The following SETD7 variants were observed in gnomAD, a reference collection of about 807,000 sequenced individuals.
SETD7 encodes the protein SET domain containing 7, histone lysine methyltransferase, also known as histone-lysine N-methyltransferase SETD7.
A neutral mutation model predicts 41.8 loss-of-function variants in SETD7; 16 were observed. That is an observed-to-expected ratio of 0.38 (90% CI 0.26 to 0.58). SETD7 has a LOEUF of 0.58. Ranked by LOEUF, SETD7 falls within the 20% of genes least tolerant of loss-of-function variation. SETD7 has a pLI of 0.64. For synonymous variants in SETD7, 163 were observed against 169.7 expected (o/e 0.96, Z 0.31); for missense variants, 346 against 459.7 (o/e 0.75, Z 2.26).
intron 7 of SETD7, among the ~76,000 whole-genome samples, chr4:139,498,488 G>A (rs1028704704): frequency 2.0e-5 from 3 of 152,170 alleles, no homozygotes; most frequent in African/African-American, 4.8e-5. Context: ...TCTTGTCTAC[G>A]TTTTCTCTTT....
At chr4:139,517,043 C>T (rs181574566) in intron 7 of SETD7, among the ~76,000 whole-genome samples, 6 of 152,334 alleles carry the variant, frequency 3.9e-5, no homozygotes, top group Admixed American at 2.0e-4. Context: ...CAATTCTCAT[C>T]CATGTTGTAG....
chr4:139,520,468 T>A (rs1228487413), intron 5 of SETD7, 74 bp from the exon 6 acceptor site: 1 of 783,472 alleles, frequency 1.3e-6, no homozygotes, highest in Non-Finnish European at 2.0e-6. Context: ...TGCCAAAATA[T>A]CATTAAGGCT....
intron 7 of SETD7, among the ~76,000 whole-genome samples, chr4:139,500,110 T>G (rs1726538961): frequency 6.6e-6 from 1 of 152,202 alleles, no homozygotes; most frequent in South Asian, 2.1e-4. Flanking sequence ...TGCCTTTTGA[T>G]TTTGAGTTGA....
chr4:139,499,559 C>A (rs770577557), intron 7 of SETD7, among the ~76,000 whole-genome samples: 2 of 152,144 alleles, frequency 1.3e-5, no homozygotes, highest in Non-Finnish European at 2.9e-5. Flanking sequence ...CAAGACCCCC[C>A]CTCCCAGGAA....
chr4:139,550,506 C>T (rs1327124036), intron 1 of SETD7, among the ~76,000 whole-genome samples: 3 of 152,124 alleles, frequency 2.0e-5, no homozygotes, highest in South Asian at 4.2e-4. Context: ...ATTTAATATC[C>T]CGGATTAGTT....
chr4:139,530,356 C>CTTTTTT (rs70943427), intron 3 of SETD7, among the ~76,000 whole-genome samples: 2 of 126,936 alleles, frequency 1.6e-5, no homozygotes, highest in African/African-American at 2.9e-5. Flanking sequence ...CAAATGCTGC[C>CTTTTTT]TTTTTTTTTT....
intron 1 of SETD7, 76 bp from the exon 2 acceptor site, chr4:139,547,125 C>T: frequency 2.6e-6 from 4 of 1,549,936 alleles, no homozygotes; most frequent in South Asian, 1.2e-5. Flanking sequence ...CATTCAGATG[C>T]TGCCAGACAA....
At chr4:139,500,798 C>T (rs575093530) in intron 7 of SETD7, among the ~76,000 whole-genome samples, 1 of 152,304 alleles carries the variant, frequency 6.6e-6, no homozygotes, top group African/African-American at 2.4e-5. Flanking sequence ...CATAAGCCAC[C>T]GTGACTGGCT....
Position 139,546,928 on chromosome 4 carries a change from AAAG to A in SETD7, c.159_161del (p.Phe54del), listed in dbSNP as rs764099053. 5.0e-6 allele frequency: 8 copies of A among 1,614,220 alleles called. No individual in the cohort carries two copies. The highest frequency in any genetic ancestry group is 5.9e-6 in the Non-Finnish European group (7 of 1,180,034). On this transcript the variant is annotated inframe_deletion, in exon 2 of 8. Transcript: ENST00000274031. ...AAAACTGTGAGTGCTACCTGCCATC[AAAG>A]AAGAAGAACTTCCCCCGTCCGTTCT... is the stretch of plus-strand genomic sequence containing the variant.
chr4:139,516,707 TAC>T (rs575593113), intron 7 of SETD7, among the ~76,000 whole-genome samples: 18 of 152,284 alleles, frequency 1.2e-4, no homozygotes, highest in Admixed American at 9.2e-4. Context: ...ATAATTTATA[TAC>T]AGAGTATAAA....
Position 139,533,354 on chromosome 4 carries a change from C to A in SETD7, c.183G>T (p.Gly61=). 6.2e-7 allele frequency: 1 copy of A among 1,613,690 alleles called. No individual in the cohort carries two copies. The change falls in exon 3 of 8, where the codon GGG becomes GGT. Residue 61 remains glycine, a synonymous_variant. Transcript: ENST00000274031. ...CCTGCAAGGCATCATCCACATAATA[C>A]CCCTCCAGGGTGCTGTGAGGAAAGG... is the stretch of plus-strand genomic sequence containing the variant. ...FFFFDGSTLE[G]YYVDDALQGQ...
intron 7 of SETD7, among the ~76,000 whole-genome samples, chr4:139,512,081 C>T (rs897868602): frequency 8.5e-5 from 13 of 152,306 alleles, no homozygotes; most frequent in Admixed American, 3.3e-4. Flanking sequence ...CACCCCCAGG[C>T]GATCCACTGG....
rs756703558 is a variant in SETD7 at position 139,556,120 on chromosome 4, C to T, written c.18G>A (p.Glu6=). The T allele has an allele frequency of 6.2e-7, 1 of 1,603,766 alleles. No individual in the cohort carries two copies. Among genetic ancestry groups the T allele is most frequent in the South Asian group, 1.1e-5 (1 of 88,984 alleles). The change falls in exon 1 of 8, where the codon GAG becomes GAA. Residue 6 remains glutamate (E), a synonymous_variant. Coordinates refer to ENST00000274031, the MANE Select transcript of SETD7 (RefSeq NM_030648.4). Reference sequence around the variant, plus strand: ...TACCTTCCACCGCCTCCTCCACCATCTCGTCGTCGCTATCCATGGCGGCTG... The same window carrying T: ...TACCTTCCACCGCCTCCTCCACCATTTCGTCGTCGCTATCCATGGCGGCTG... MDSDD[E]MVEEAVEGHL...
intron 1 of SETD7, among the ~76,000 whole-genome samples, chr4:139,554,210 A>C (rs1365899250): frequency 6.6e-6 from 1 of 152,204 alleles, no homozygotes; most frequent in East Asian, 1.9e-4. Flanking sequence ...GTACATAATT[A>C]CCCTATAAAA....
In SETD7 at chr4:139,507,894, T is replaced by C. The variant is rs1165054603; in HGVS notation, c.*3769A>G. ...CAGTCTTGCAACATAGTTTTGCTTG[T>C]TTTTCTAAAACAAAAGATATCTGGA... On this transcript the variant is annotated 3_prime_UTR_variant, in exon 8 of 8. Transcript: ENST00000274031. 1 of 152,174 alleles carries C rather than the reference T, an allele frequency of 6.6e-6. No individual in the cohort carries two copies. The highest frequency in any genetic ancestry group is 1.5e-5 in the Non-Finnish European group (1 of 68,032). 9.4% of individuals were successfully genotyped at this position (152,174 alleles called of 1,614,324 possible). A position where few individuals can be genotyped will look rare whatever the true frequency, so the allele number is the denominator to read the frequency against.
At chr4:139,499,987 C>T (rs1395832932) in intron 7 of SETD7, among the ~76,000 whole-genome samples, 1 of 152,182 alleles carries the variant, frequency 6.6e-6, no homozygotes, top group African/African-American at 2.4e-5. Flanking sequence ...TTTCATACTT[C>T]ATTGAACCTA....
intron 4 of SETD7, among the ~76,000 whole-genome samples, chr4:139,524,966 G>A (rs1727284744): frequency 1.3e-5 from 2 of 152,128 alleles, no homozygotes; most frequent in Non-Finnish European, 2.9e-5. Flanking sequence ...ACAGGTGCCT[G>A]TCACCATGCC....
intron 3 of SETD7, among the ~76,000 whole-genome samples, chr4:139,531,669 T>G (rs78398965): frequency 0.099 from 15,068 of 152,328 alleles, 1,108 homozygotes; most frequent in East Asian, 0.39. Flanking sequence ...GCCCTATTCC[T>G]AGATTATAAC....
intron 3 of SETD7, among the ~76,000 whole-genome samples, chr4:139,530,356 C>CT (rs70943427): frequency 5.4e-4 from 68 of 126,916 alleles, no homozygotes; most frequent in African/African-American, 1.8e-3. Flanking sequence ...CAAATGCTGC[C>CT]TTTTTTTTTT....
Sources: allele counts gnomAD v4.1 joint callset (sites outside exome capture counted in the v4.1 genomes callset), GRCh38; gene constraint gnomAD v4.1.1; transcripts MANE v1.5; gene names NCBI Gene and HGNC (gene_info 2026-07-23, HGNC 2026-07-21).